CLVS1: variants seen among roughly 807,000 people sequenced by gnomAD.
The protein encoded by CLVS1 is clavesin 1, also known as clavesin-1.
CLVS1 carries 10 observed loss-of-function variants against 33.1 expected under a neutral mutation model. The ratio of observed to expected loss-of-function variants is 0.30; its 90% confidence interval spans 0.19 to 0.51. The LOEUF is 0.51. Among genes scored for constraint, CLVS1 ranks in the 20% least tolerant of loss-of-function variants. The pLI, the probability that CLVS1 is intolerant of heterozygous loss-of-function variation, is 0.97. For missense variants in CLVS1, 343 were observed against 433.4 expected, an observed-to-expected ratio of 0.79 and a Z score of 1.85; for synonymous variants, 163 against 166.1, an observed-to-expected ratio of 0.98 and a Z score of 0.14.
chr8:61,188,574 A>C (rs1045138404), intron 2 of CLVS1, among the ~76,000 whole-genome samples: 2 of 152,162 alleles, frequency 1.3e-5, no homozygotes, highest in South Asian at 4.1e-4. Context: ...GGCCATCTGC[A>C]GGATATAGGT....
intron 2 of CLVS1, among the ~76,000 whole-genome samples, chr8:61,196,410 A>G (rs1807610237): frequency 6.6e-6 from 1 of 152,220 alleles, no homozygotes; most frequent in Non-Finnish European, 1.5e-5. Context: ...TTATTCTAGA[A>G]GCCTATAGAG....
intron 1 of CLVS1, among the ~76,000 whole-genome samples, chr8:61,081,315 T>A (rs1333408129): frequency 1.3e-5 from 2 of 152,172 alleles, no homozygotes; most frequent in Non-Finnish European, 1.5e-5. Context: ...AGAATGTACA[T>A]GATTTGGCAA....
chr8:61,354,321 T>G (rs761101773), intron 2 of CLVS1, among the ~76,000 whole-genome samples: 2 of 151,982 alleles, frequency 1.3e-5, no homozygotes, highest in Non-Finnish European at 2.9e-5. Context: ...ACACCAACTG[T>G]TGTTGAGGAT....
intron 3 of CLVS1, among the ~76,000 whole-genome samples, chr8:61,422,978 G>A (rs929160263): frequency 6.6e-6 from 1 of 152,176 alleles, no homozygotes; most frequent in Admixed American, 6.5e-5. Flanking sequence ...AGAGAGCTGA[G>A]TGACCAGGAG....
chr8:61,308,463 C>T (rs1261142561), intron 2 of CLVS1, among the ~76,000 whole-genome samples: 1 of 152,078 alleles, frequency 6.6e-6, no homozygotes, highest in African/African-American at 2.4e-5. Flanking sequence ...TGTGCATGCG[C>T]GCCATGAGTC....
chr8:61,387,466 C>CTTTTTTT (rs372983692), intron 3 of CLVS1, among the ~76,000 whole-genome samples: 6 of 109,300 alleles, frequency 5.5e-5, no homozygotes, highest in African/African-American at 9.5e-5. Context: ...TGTACAGTTC[C>CTTTTTTT]TTTTTTTTTT....
chr8:61,393,593 G>C (rs908568505), intron 3 of CLVS1, among the ~76,000 whole-genome samples: 6 of 152,088 alleles, frequency 3.9e-5, no homozygotes, highest in Admixed American at 6.6e-5. Flanking sequence ...TTTCCCATGG[G>C]GTGATCCCTT....
chr8:61,096,643 C>T (rs1185438097), intron 1 of CLVS1, among the ~76,000 whole-genome samples: 1 of 152,068 alleles, frequency 6.6e-6, no homozygotes, highest in African/African-American at 2.4e-5. Flanking sequence ...TCAGTTTTTC[C>T]CCCCTCTTAT....
intron 1 of CLVS1, among the ~76,000 whole-genome samples, chr8:61,059,056 T>C (rs1217407788): frequency 6.6e-6 from 1 of 152,212 alleles, no homozygotes; most frequent in African/African-American, 2.4e-5. Context: ...GTTGGGTAGA[T>C]ATCCAGGGGT....
At chr8:61,139,523 C>T (rs1195803002) in intron 2 of CLVS1, among the ~76,000 whole-genome samples, 1 of 152,162 alleles carries the variant, frequency 6.6e-6, no homozygotes, top group East Asian at 1.9e-4. Flanking sequence ...GCGCTGCCAG[C>T]AGCGGGAGGG....
At chr8:61,454,294 TG>T in intron 4 of CLVS1, 43 bp downstream of exon 4, 2 of 1,422,736 alleles carry the variant, frequency 1.4e-6, no homozygotes, top group Non-Finnish European at 2.0e-6. Flanking sequence ...GGTACAATTT[TG>T]GTGCTTCTAT....
intron 2 of CLVS1, among the ~76,000 whole-genome samples, chr8:61,136,388 A>G (rs903826791): frequency 2.6e-5 from 4 of 152,242 alleles, no homozygotes; most frequent in East Asian, 3.8e-4. Context: ...TTCCTGAAAC[A>G]TCAAAGTGCT....
intron 2 of CLVS1, among the ~76,000 whole-genome samples, chr8:61,192,271 T>C (rs926426388): frequency 3.3e-5 from 5 of 152,106 alleles, no homozygotes; most frequent in African/African-American, 9.7e-5. Context: ...AAACAAGAAA[T>C]GGGAGAGGAT....
At chr8:61,038,702 C>T in the CLVS1 span, among the ~76,000 whole-genome samples, 16 of 152,200 alleles carry the variant, frequency 1.1e-4, no homozygotes, top group East Asian at 5.8e-4. Flanking sequence ...TCAGCCTCCC[C>T]GGTCCTCATT....
At chr8:61,257,952 A>G (rs1809121128) in intron 2 of CLVS1, among the ~76,000 whole-genome samples, 1 of 152,018 alleles carries the variant, frequency 6.6e-6, no homozygotes, top group Non-Finnish European at 1.5e-5. Context: ...GGTGGTGGTG[A>G]TGATGATGGT....
At chr8:61,304,638 AC>A (rs1175333560) in intron 2 of CLVS1, among the ~76,000 whole-genome samples, 3 of 152,094 alleles carry the variant, frequency 2.0e-5, no homozygotes. Flanking sequence ...GCAATAATTC[AC>A]CATTTGCCCC....
chr8:61,463,461 C>T (rs1385505834), intron 5 of CLVS1, among the ~76,000 whole-genome samples: 1 of 152,190 alleles, frequency 6.6e-6, no homozygotes, highest in Non-Finnish European at 1.5e-5. Flanking sequence ...CCTCCCCAAG[C>T]TTAATCATGT....
chr8:61,490,024 A>G (rs1366957832), intron 5 of CLVS1, among the ~76,000 whole-genome samples: 2 of 152,222 alleles, frequency 1.3e-5, no homozygotes, highest in African/African-American at 4.8e-5. Context: ...TTAGAAATTT[A>G]TGGAAGTCAG....
chr8:61,190,441 C>T (rs1237631454), intron 2 of CLVS1, among the ~76,000 whole-genome samples: 1 of 152,102 alleles, frequency 6.6e-6, no homozygotes, highest in Non-Finnish European at 1.5e-5. Flanking sequence ...AAAATTGACA[C>T]CCTAACATCA....
Sources: gnomAD v4.1 joint callset for allele counts (sites outside exome capture counted in the v4.1 genomes callset) on GRCh38, gnomAD v4.1.1 for gene constraint, MANE v1.5 for transcripts, NCBI Gene and HGNC (gene_info 2026-07-23, HGNC 2026-07-21) for gene names.